PTPRD: variants seen among roughly 807,000 people sequenced by gnomAD.
The protein encoded by PTPRD is receptor-type tyrosine-protein phosphatase delta.
PTPRD carries 34 observed loss-of-function variants against 214.5 expected under a neutral mutation model. The observed-to-expected ratio is 0.16, with a 90% CI of 0.12 to 0.21. The LOEUF (loss-of-function observed/expected upper bound fraction) is 0.21, where lower values mean the gene tolerates loss of function less well. PTPRD is among the 10% of genes least tolerant of loss of function. The probability of loss-of-function intolerance (pLI) is 1.00; values close to 1 mark genes in which losing one functional copy is unlikely to be tolerated. For synonymous variants in PTPRD, 1,128 were observed against 845.7 expected (o/e 1.33, Z -5.79); for missense variants, 2,545 against 2,398.7 (o/e 1.06, Z -1.27).
intron 11 of PTPRD, among the ~76,000 whole-genome samples, chr9:8,752,369 C>T (rs1226161291): frequency 6.6e-6 from 1 of 152,146 alleles, no homozygotes; most frequent in Non-Finnish European, 1.5e-5. Flanking sequence ...ATGGCAACAT[C>T]AGGAAGTTAC....
In PTPRD at chr9:8,431,947, C is replaced by A. The variant is rs184356250; in HGVS notation, c.4086+4645G>T. On this transcript the variant is annotated intron_variant, in intron 35 of 45. Transcript: ENST00000381196. Reference sequence around the variant, plus strand: ...CCTCTGGTAGAATTTGGCTGTGAATCTGTCTGGTCCTGGGCTTTTTTTGGT... The same window carrying A: ...CCTCTGGTAGAATTTGGCTGTGAATATGTCTGGTCCTGGGCTTTTTTTGGT... Among the ~76,000 whole-genome samples, 513 of 152,320 alleles carry A rather than the reference C, an allele frequency of 3.4e-3. 4 individuals carry two copies. Among genetic ancestry groups the A allele is most frequent in the Non-Finnish European group, 5.6e-3 (380 of 68,030 alleles).
At chr9:9,198,258 G>A (rs2099939798) in intron 9 of PTPRD, among the ~76,000 whole-genome samples, 1 of 151,954 alleles carries the variant, frequency 6.6e-6, no homozygotes, top group Admixed American at 6.6e-5. Context: ...AAACACACAC[G>A]TGCAATTAAC....
chr9:10,519,152 T>A (rs969865300), intron 2 of PTPRD, among the ~76,000 whole-genome samples: 1 of 144,532 alleles, frequency 6.9e-6, no homozygotes. Flanking sequence ...GAGGACAAAA[T>A]GGCAATGTAA....
At chr9:9,113,128 C>A (rs1186420906) in intron 10 of PTPRD, among the ~76,000 whole-genome samples, 1 of 150,940 alleles carries the variant, frequency 6.6e-6, no homozygotes, top group Non-Finnish European at 1.5e-5. Flanking sequence ...CCATGCCCGG[C>A]TAATTAAAAA....
At chr9:10,068,577 G>C (rs1044102981) in intron 3 of PTPRD, among the ~76,000 whole-genome samples, 13 of 151,712 alleles carry the variant, frequency 8.6e-5, no homozygotes, top group African/African-American at 2.4e-4. Flanking sequence ...AGTGGGGACT[G>C]TGTTTTCAAC....
intron 11 of PTPRD, among the ~76,000 whole-genome samples, chr9:8,987,416 C>T (rs1449653305): frequency 6.6e-6 from 1 of 152,102 alleles, no homozygotes; most frequent in Non-Finnish European, 1.5e-5. Context: ...GCTAATGCAG[C>T]TCCATCTTAG....
chr9:9,472,554 C>T (rs1047130222), intron 8 of PTPRD, among the ~76,000 whole-genome samples: 1 of 152,064 alleles, frequency 6.6e-6, no homozygotes, highest in Non-Finnish European at 1.5e-5. Flanking sequence ...AGGGAACCAA[C>T]GTAAGCTGTT....
At chr9:10,105,327 GT>G (rs2098614417) in intron 3 of PTPRD, among the ~76,000 whole-genome samples, 1 of 151,694 alleles carries the variant, frequency 6.6e-6, no homozygotes, top group Admixed American at 6.6e-5. Flanking sequence ...TAACCACCTA[GT>G]TCCTTTTATG....
intron 11 of PTPRD, among the ~76,000 whole-genome samples, chr9:8,987,701 C>T (rs561532939): frequency 1.3e-4 from 20 of 152,138 alleles, no homozygotes; most frequent in South Asian, 8.3e-4. Flanking sequence ...TCATTTAACA[C>T]GGGTAGCACC....
rs558710729 is a variant in PTPRD, at chr9:9,783,249, A to G, written c.-367-16398T>C. ...CCCATTATAGGAGATGTGCATTTGT[A>G]TATTTTTTTACCAAGGTTTTAAAGT... On this transcript the variant is annotated intron_variant, in intron 5 of 45. Transcript: ENST00000381196. 6.2e-4 allele frequency among the ~76,000 whole-genome samples: 94 copies of G among 152,272 alleles called. No individual in the cohort carries two copies. The South Asian group carries it at 0.019, about 32-fold the overall frequency.
rs142750467 is a variant in PTPRD, at chr9:8,341,881, A to G, written c.4759T>C (p.Leu1587=). ...KTVDIYGHVT[L]MRAQRNYMVQ... is the part of the protein sequence containing the mutation. ...ATATAGTTCCTCTGGGCTCTCATTA[A>G]AGTTACATGGCCATAAATATCTACA... Residue 1587 remains leucine, a synonymous_variant, in exon 40 of 46, where the codon TTA becomes CTA. Transcript: ENST00000381196. 4.7e-5 allele frequency: 76 copies of G among 1,613,332 alleles called. No individual in the cohort carries two copies. Among genetic ancestry groups the G allele is most frequent in the Non-Finnish European group, 6.1e-5 (72 of 1,179,674 alleles).
intron 9 of PTPRD, among the ~76,000 whole-genome samples, chr9:9,387,514 T>C (rs1449524403): frequency 6.6e-6 from 1 of 152,130 alleles, no homozygotes; most frequent in African/African-American, 2.4e-5. Context: ...TGAAGGGTGG[T>C]TTCACTGAAT....
chr9:9,552,853 G>C (rs1483824179), intron 8 of PTPRD, among the ~76,000 whole-genome samples: 1 of 152,018 alleles, frequency 6.6e-6, no homozygotes, highest in Non-Finnish European at 1.5e-5. Flanking sequence ...TAAACCAGTG[G>C]CAGGTGTGCT....
chr9:9,518,393 G>C (rs1415877077), intron 8 of PTPRD, among the ~76,000 whole-genome samples: 1 of 151,996 alleles, frequency 6.6e-6, no homozygotes, highest in Non-Finnish European at 1.5e-5. Flanking sequence ...AAATTTGTTA[G>C]GTGGATATAA....
At chr9:10,310,047 G>A (rs1364545079) in intron 3 of PTPRD, among the ~76,000 whole-genome samples, 1 of 151,980 alleles carries the variant, frequency 6.6e-6, no homozygotes, top group South Asian at 2.1e-4. Flanking sequence ...TCAAAGCTGG[G>A]AACTCTTCCT....
intron 35 of PTPRD, among the ~76,000 whole-genome samples, chr9:8,420,900 C>T (rs1250919397): frequency 6.6e-6 from 1 of 150,912 alleles, no homozygotes; most frequent in East Asian, 2.0e-4. Flanking sequence ...TTATTTCAGG[C>T]AGAAGAATGT....
intron 2 of PTPRD, among the ~76,000 whole-genome samples, chr9:10,595,098 G>A (rs10122397): frequency 0.33 from 49,465 of 151,472 alleles, 8,573 homozygotes; most frequent in East Asian, 0.48. Context: ...ATATTGTTTC[G>A]TTCTTGTCTA....
chr9:8,729,016 T>A (rs2098623908), intron 12 of PTPRD, among the ~76,000 whole-genome samples: 1 of 152,088 alleles, frequency 6.6e-6, no homozygotes, highest in Non-Finnish European at 1.5e-5. Context: ...TGCAAGATAA[T>A]TCCTGGTCAT....
At chr9:10,514,092 T>A (rs2049178594) in intron 2 of PTPRD, among the ~76,000 whole-genome samples, 1 of 152,132 alleles carries the variant, frequency 6.6e-6, no homozygotes, top group Non-Finnish European at 1.5e-5. Context: ...ACATTTTAAA[T>A]CAATTATTCA....
Sources: gnomAD v4.1 joint callset for allele counts (sites outside exome capture counted in the v4.1 genomes callset) on GRCh38, gnomAD v4.1.1 for gene constraint, MANE v1.5 for transcripts, NCBI Gene and HGNC (gene_info 2026-07-23, HGNC 2026-07-21) for gene names.